The following ITGB3 variants were observed in gnomAD, a reference collection of about 807,000 sequenced individuals.
ITGB3 encodes integrin beta-3.
A neutral mutation model predicts 85.8 loss-of-function variants in ITGB3; 48 were observed. The observed-to-expected ratio is 0.56, with a 90% CI of 0.44 to 0.71. ITGB3 has a LOEUF of 0.71. ITGB3 is among the 30% of genes least tolerant of loss of function. The pLI is 0.00. For missense variants in ITGB3, 861 were observed against 1,019.1 expected (o/e 0.84, Z 2.11); for synonymous variants, 363 against 395.6 (o/e 0.92, Z 0.98).
chr17:47,288,719 A>G (rs143227523), intron 6 of ITGB3, among the ~76,000 whole-genome samples: 49 of 152,342 alleles, frequency 3.2e-4, no homozygotes, highest in African/African-American at 1.1e-3. Context: ...AGTCAGCAAC[A>G]TTTGACCCCT....
At chr17:47,287,039 T>C (rs757586917) in intron 5 of ITGB3, 31 bp from the exon 6 acceptor site, 2 of 1,611,640 alleles carry the variant, frequency 1.2e-6, no homozygotes, top group Non-Finnish European at 1.7e-6. Context: ...TTTTGTCTCC[T>C]CTGCCTTTGT....
chr17:47,271,160 A>G (rs2143058875), intron 1 of ITGB3, among the ~76,000 whole-genome samples: 1 of 152,286 alleles, frequency 6.6e-6, no homozygotes, highest in African/African-American at 2.4e-5. Flanking sequence ...GAATATTAGA[A>G]TTGAAGAAAT....
At chr17:47,265,025 AG>A (rs1198315530) in intron 1 of ITGB3, among the ~76,000 whole-genome samples, 1 of 152,224 alleles carries the variant, frequency 6.6e-6, no homozygotes, top group Non-Finnish European at 1.5e-5. Context: ...TGCCTAGGAG[AG>A]TGCCTGGCAC....
In ITGB3 at chr17:47,263,539, G is replaced by T. The variant is rs138861372; in HGVS notation, c.79+9599G>T. Among the ~76,000 whole-genome samples, 1,150 of 133,574 alleles carry T rather than the reference G, an allele frequency of 8.6e-3. 19 individuals carry two copies. The highest frequency in any genetic ancestry group is 0.03 in the African/African-American group (1,058 of 35,194). 87.6% of individuals were successfully genotyped at this position (133,574 alleles called of 152,430 possible). On this transcript the variant is annotated intron_variant, in intron 1 of 14. Coordinates refer to ENST00000559488, the MANE Select transcript of ITGB3 (RefSeq NM_000212.3). ...GAGTCTCACTCCATCACACAGGCTGGAGTGCAGTGGCACGATCTTGGCTCA... is the reference window on the plus strand; with the variant it reads ...GAGTCTCACTCCATCACACAGGCTGTAGTGCAGTGGCACGATCTTGGCTCA...
intron 2 of ITGB3, among the ~76,000 whole-genome samples, chr17:47,278,371 A>G (rs2065070947): frequency 6.6e-6 from 1 of 152,254 alleles, no homozygotes; most frequent in Non-Finnish European, 1.5e-5. Flanking sequence ...ACTTGAGGTC[A>G]GGAGTTTGAA....
chr17:47,309,779 C>G (rs951268799), intron 14 of ITGB3, among the ~76,000 whole-genome samples: 1 of 151,542 alleles, frequency 6.6e-6, no homozygotes, highest in Non-Finnish European at 1.5e-5. Flanking sequence ...CCTGTAGTCC[C>G]AGCTACTTGG....
At chr17:47,295,918 A>G (rs1260780517) in intron 10 of ITGB3, among the ~76,000 whole-genome samples, 2 of 152,128 alleles carry the variant, frequency 1.3e-5, no homozygotes, top group East Asian at 3.9e-4. Context: ...TTGGCCAATG[A>G]CTGATGGAGA....
chr17:47,257,153 A>G (rs2064993328), intron 1 of ITGB3, among the ~76,000 whole-genome samples: 1 of 152,232 alleles, frequency 6.6e-6, no homozygotes, highest in Non-Finnish European at 1.5e-5. Context: ...TATTCTTCCT[A>G]TCCATGCTAT....
At chr17:47,306,299 G>A (rs2065187695) in intron 13 of ITGB3, among the ~76,000 whole-genome samples, 1 of 152,314 alleles carries the variant, frequency 6.6e-6, no homozygotes, top group South Asian at 2.1e-4. Context: ...TTTTGAGATA[G>A]TCTCTCCCTC....
rs1462372465 is a variant in ITGB3, at chr17:47,283,496, G to A, written c.308G>A (p.Ser103Asn). 1 of 1,614,254 alleles carries A rather than the reference G, an allele frequency of 6.2e-7. No homozygotes were observed. The highest frequency in any genetic ancestry group is 8.5e-7 in the Non-Finnish European group (1 of 1,180,050). Residue 103 changes from serine (S) to asparagine (N), a missense_variant, in exon 3 of 15, where the codon AGC (serine) becomes AAC (asparagine). Coordinates refer to ENST00000559488, the MANE Select transcript of ITGB3 (RefSeq NM_000212.3). ...CTCAGCGACAAGGGCTCTGGAGACA[G>A]CTCCCAGGTCACTCAAGTCAGTCCC... ...RPLSDKGSGD[S>N]SQVTQVSPQR... is the part of the protein sequence containing the mutation.
intron 1 of ITGB3, among the ~76,000 whole-genome samples, chr17:47,267,603 A>C (rs1224214329): frequency 3.9e-5 from 6 of 152,190 alleles, no homozygotes. Flanking sequence ...GATTCATTAA[A>C]AAGAGTGGAT....
At chr17:47,285,218 G>T (rs1319929538) in intron 4 of ITGB3, among the ~76,000 whole-genome samples, 1 of 152,178 alleles carries the variant, frequency 6.6e-6, no homozygotes, top group Non-Finnish European at 1.5e-5. Context: ...AAACTGAATG[G>T]CTTATTTATT....
chr17:47,289,830 G>A (rs886706124), intron 7 of ITGB3, 54 bp downstream of exon 7: 1 of 1,277,542 alleles, frequency 7.8e-7, no homozygotes, highest in Non-Finnish European at 1.1e-6. Flanking sequence ...GGGTGCCCCA[G>A]GTAGCCAGCC....
chr17:47,264,759 G>A (rs1267569987), intron 1 of ITGB3, among the ~76,000 whole-genome samples: 10 of 152,082 alleles, frequency 6.6e-5, no homozygotes, highest in African/African-American at 2.4e-4. Flanking sequence ...CTGTGCCTTG[G>A]ATCGTCCCAG....
At chr17:47,292,652 G>C in intron 10 of ITGB3, 84 bp downstream of exon 10, 1 of 1,424,196 alleles carries the variant, frequency 7.0e-7, no homozygotes, top group Non-Finnish European at 9.8e-7. Flanking sequence ...GTGAAGGCCT[G>C]AGATGGGTCT....
chr17:47,286,434 G>A lies in ITGB3; in HGVS notation c.777+12G>A. ...CTACAGTCTGTGATGTGAGTTTGGA[G>A]GACTTGGAGTGCCAGGTGTGGCTGG... On this transcript the variant is annotated intron_variant, in intron 5 of 14. Transcript: ENST00000559488. The A allele has an allele frequency of 6.2e-7, 1 of 1,614,008 alleles. No homozygotes were observed. Among genetic ancestry groups the A allele is most frequent in the African/African-American group, 1.3e-5 (1 of 75,046 alleles).
At chr17:47,270,935 A>T (rs1426056059) in intron 1 of ITGB3, among the ~76,000 whole-genome samples, 1 of 152,200 alleles carries the variant, frequency 6.6e-6, no homozygotes, top group Non-Finnish European at 1.5e-5. Flanking sequence ...TTCTATGCAT[A>T]ATTTTGAGAA....
chr17:47,309,919 C>T (rs991443847), intron 14 of ITGB3, among the ~76,000 whole-genome samples: 4 of 143,620 alleles, frequency 2.8e-5, no homozygotes, highest in East Asian at 2.0e-4. Flanking sequence ...AAAAAAGAAA[C>T]GGTGGCAGGA....
intron 5 of ITGB3, 98 bp from the exon 6 acceptor site, chr17:47,286,972 C>T: frequency 7.7e-7 from 1 of 1,298,240 alleles, no homozygotes; most frequent in South Asian, 1.2e-5. Flanking sequence ...CTGTCCAGCC[C>T]TTTAGCCAGG....
Sources: allele counts gnomAD v4.1 joint callset (sites outside exome capture counted in the v4.1 genomes callset), GRCh38; gene constraint gnomAD v4.1.1; transcripts MANE v1.5; gene names NCBI Gene and HGNC (gene_info 2026-07-23, HGNC 2026-07-21).